The following ABCD2 variants were observed in gnomAD, a reference collection of about 807,000 sequenced individuals.
ABCD2 encodes the protein ATP-binding cassette sub-family D member 2.
In ABCD2, 36 loss-of-function variants were observed where a neutral mutation model predicts 70.9. That is an observed-to-expected ratio of 0.51 (90% CI 0.39 to 0.67). The LOEUF (loss-of-function observed/expected upper bound fraction) is 0.67. Ranked by LOEUF, ABCD2 falls within the 30% of genes least tolerant of loss-of-function variation. The pLI is 0.00. For synonymous variants in ABCD2, 304 were observed against 306.9 expected (o/e 0.99, Z 0.10); for missense variants, 729 against 890.2 (o/e 0.82, Z 2.30).
At chr12:39,604,157 A>T in intron 4 of ABCD2, 151 bp from the exon 5 acceptor site, 2 of 609,468 alleles carry the variant, frequency 3.3e-6, no homozygotes, top group Admixed American at 3.4e-5. Flanking sequence ...AGATATCCAG[A>T]CCTGAAGCAA....
chr12:39,558,381 T>A (rs1485876294), intron 9 of ABCD2, among the ~76,000 whole-genome samples: 5 of 152,138 alleles, frequency 3.3e-5, no homozygotes, highest in Admixed American at 3.3e-4. Flanking sequence ...TGGAAGGGCA[T>A]GATTATGTTT....
intron 9 of ABCD2, among the ~76,000 whole-genome samples, chr12:39,572,009 GAACT>G (rs1040534058): frequency 9.1e-4 from 139 of 152,210 alleles, no homozygotes; most frequent in African/African-American, 3.2e-3. Context: ...AAAAAAATCA[GAACT>G]AACATGTTGT....
At chr12:39,591,927 A>G (rs1473523919) in intron 6 of ABCD2, among the ~76,000 whole-genome samples, 1 of 152,046 alleles carries the variant, frequency 6.6e-6, no homozygotes, top group African/African-American at 2.4e-5. Context: ...GTGAGAGGGG[A>G]GTTTTTTCAT....
the ABCD2 span, among the ~76,000 whole-genome samples, chr12:39,533,992 A>G: frequency 1.3e-5 from 2 of 152,382 alleles, no homozygotes; most frequent in South Asian, 4.1e-4. Context: ...TGCTTTGCAG[A>G]ACCTGGGGTA....
Position 39,555,805 on chromosome 12 carries a change from C to T in ABCD2, c.2004-1674G>A, listed in dbSNP as rs147360027. On this transcript the variant is annotated intron_variant, in intron 9 of 9. Transcript: ENST00000308666. ...ACTCAATTTCTGGTCTGCATCACCA[C>T]GAACCAACAAACTATAGAAGCCATG... Among the ~76,000 whole-genome samples the T allele has an allele frequency of 6.7e-3, 1,014 of 152,220 alleles. 7 individuals are homozygous for T. Among genetic ancestry groups the T allele is most frequent in the South Asian group, 0.017 (81 of 4,814 alleles).
chr12:39,533,367 T>C, the ABCD2 span, among the ~76,000 whole-genome samples: 1 of 152,054 alleles, frequency 6.6e-6, no homozygotes, highest in African/African-American at 2.4e-5. Flanking sequence ...AGCAAAACAA[T>C]CCATTTCCTC....
intron 6 of ABCD2, among the ~76,000 whole-genome samples, chr12:39,599,407 CA>C (rs1448771166): frequency 6.6e-6 from 1 of 152,134 alleles, no homozygotes; most frequent in East Asian, 1.9e-4. Context: ...AAACTTTTGG[CA>C]GTATAATTTA....
the ABCD2 span, among the ~76,000 whole-genome samples, chr12:39,532,622 C>T: frequency 1.3e-5 from 2 of 152,098 alleles, no homozygotes; most frequent in Non-Finnish European, 2.9e-5. Flanking sequence ...ATGGAAGCCA[C>T]GTAGACAAAG....
At chr12:39,561,125 G>A (rs1199594344) in intron 9 of ABCD2, among the ~76,000 whole-genome samples, 1 of 152,112 alleles carries the variant, frequency 6.6e-6, no homozygotes, top group Non-Finnish European at 1.5e-5. Context: ...GCCAGGTGCA[G>A]TGGCTCACGT....
chr12:39,538,428 G>A, the ABCD2 span, among the ~76,000 whole-genome samples: 1 of 151,978 alleles, frequency 6.6e-6, no homozygotes, highest in Non-Finnish European at 1.5e-5. Context: ...GTCTGCCTTG[G>A]CCTCCCAAAG....
At chr12:39,610,562 G>C (rs1942031810) in intron 2 of ABCD2, among the ~76,000 whole-genome samples, 1 of 152,108 alleles carries the variant, frequency 6.6e-6, no homozygotes, top group Admixed American at 6.6e-5. Context: ...AGAAAATCTG[G>C]CTGACAATCT....
In ABCD2 at chr12:39,619,636, G is replaced by T; in HGVS notation, c.-21C>A. On this transcript the variant is annotated 5_prime_UTR_variant, in exon 1 of 10. Transcript: ENST00000308666. ...GTCATTTTCCCAGTTACCCAAACCG[G>T]CTTCCAAAAGAATTCGTTTTAAAAG... 6.3e-7 allele frequency: 1 copy of T among 1,584,714 alleles called. No homozygotes were observed. The highest frequency in any genetic ancestry group is 1.8e-5 in the Admixed American group (1 of 56,458).
chr12:39,549,215 G>A (rs1941055973), downstream of ABCD2, among the ~76,000 whole-genome samples: 1 of 151,950 alleles, frequency 6.6e-6, no homozygotes. Context: ...AGATCATGAA[G>A]ATTGTGAAGC....
At position 39,600,679 on chromosome 12, in the gene ABCD2, T is replaced by C; in HGVS notation, c.1538A>G (p.Asn513Ser). Residue 513 changes from asparagine to serine, a missense_variant, in exon 6 of 10, where the codon AAT becomes AGT. Transcript: ENST00000308666. ...GAAGAGAGAACTTTTCCCACAACCA[T>C]TGGGACCAGTTATCAAAAGATGCAT... Reference protein sequence around the residue: ...EGMHLLITGPNGCGKSSLFRI... With the variant: ...EGMHLLITGPSGCGKSSLFRI... The C allele has an allele frequency of 4.3e-6, 7 of 1,611,926 alleles. No homozygotes were observed. Among genetic ancestry groups the C allele is most frequent in the Non-Finnish European group, 5.9e-6 (7 of 1,178,934 alleles).
In ABCD2 at chr12:39,600,670, C is replaced by A. The variant is rs775372659; in HGVS notation, c.1547G>T (p.Gly516Val). The A allele has an allele frequency of 6.2e-7, 1 of 1,612,414 alleles. No homozygotes were observed. The highest frequency in any genetic ancestry group is 8.5e-7 in the Non-Finnish European group (1 of 1,179,232). The part of the protein sequence containing the change: ...HLLITGPNGC[G>V]KSSLFRILSG... ...TAGAATTCTGAAGAGAGAACTTTTC[C>A]CACAACCATTGGGACCAGTTATCAA... Residue 516 changes from glycine (G) to valine (V), a missense_variant, in exon 6 of 10, where the codon GGG becomes GTG. This residue lies in a region of ABCD2 where 289 missense variants were observed against 328.8 expected (regional missense o/e 0.88). Transcript: ENST00000308666.
intron 9 of ABCD2, among the ~76,000 whole-genome samples, chr12:39,571,651 A>G (rs897861267): frequency 1.3e-5 from 2 of 152,222 alleles, no homozygotes; most frequent in African/African-American, 4.8e-5. Context: ...CATGTTCTAT[A>G]TTACAAGCTG....
At position 39,551,701 on chromosome 12, in the gene ABCD2, T is replaced by C. The variant is rs1425551861; in HGVS notation, c.*2211A>G. 1 of 151,842 alleles carries C rather than the reference T, an allele frequency of 6.6e-6. No homozygotes were observed. Among genetic ancestry groups the C allele is most frequent in the East Asian group, 1.9e-4 (1 of 5,204 alleles). 9.4% of individuals were successfully genotyped at this position (151,842 alleles called of 1,614,324 possible). A position where few individuals can be genotyped will look rare whatever the true frequency, so the allele number is the denominator to read the frequency against. ...GAATTTTAGGCATCTTTGAATCCTGTGCATCATAAATAATGAGTCTTTTTT... is the reference window on the plus strand; with the variant it reads ...GAATTTTAGGCATCTTTGAATCCTGCGCATCATAAATAATGAGTCTTTTTT... On this transcript the variant is annotated 3_prime_UTR_variant, in exon 10 of 10. Coordinates refer to ENST00000308666, the MANE Select transcript of ABCD2 (RefSeq NM_005164.4).
intron 9 of ABCD2, among the ~76,000 whole-genome samples, chr12:39,565,349 C>T (rs1358934756): frequency 1.3e-5 from 2 of 152,126 alleles, no homozygotes; most frequent in African/African-American, 4.8e-5. Context: ...CTTCACATCC[C>T]TTGTAAGTTG....
the ABCD2 span, among the ~76,000 whole-genome samples, chr12:39,534,452 A>G: frequency 6.6e-6 from 1 of 152,112 alleles, no homozygotes; most frequent in Non-Finnish European, 1.5e-5. Flanking sequence ...CCAGCTTCAT[A>G]GAGTTTTTGT....
Sources: allele counts gnomAD v4.1 joint callset (sites outside exome capture counted in the v4.1 genomes callset), GRCh38; gene constraint gnomAD v4.1.1; regional missense constraint gnomAD v4.1.1; transcripts MANE v1.5; gene names NCBI Gene and HGNC (gene_info 2026-07-23, HGNC 2026-07-21).